SPAG9: variants seen among roughly 807,000 people sequenced by gnomAD.
SPAG9 encodes the protein C-Jun-amino-terminal kinase-interacting protein 4.
Under a neutral mutation model 166.5 loss-of-function variants are expected in SPAG9, and 35 were observed. That is an observed-to-expected ratio of 0.21 (90% CI 0.16 to 0.28). SPAG9 has a LOEUF of 0.28. Among genes scored for constraint, SPAG9 ranks in the 10% least tolerant of loss-of-function variants. The probability of loss-of-function intolerance (pLI) is 1.00; values close to 1 mark genes in which losing one functional copy is unlikely to be tolerated. For missense variants in SPAG9, 1,235 were observed against 1,603.3 expected (o/e 0.77, Z 3.92); for synonymous variants, 534 against 565.5 (o/e 0.94, Z 0.79).
chr17:50,990,751 TGA>T, intron 19 of SPAG9, 83 bp from the exon 20 acceptor site: 1 of 1,096,396 alleles, frequency 9.1e-7, no homozygotes, highest in Middle Eastern at 2.9e-4. Context: ...AGGTTTGAAA[TGA>T]GAGTTATGCA....
At chr17:51,087,761 G>T (rs972786189) in intron 1 of SPAG9, among the ~76,000 whole-genome samples, 1 of 152,076 alleles carries the variant, frequency 6.6e-6, no homozygotes, top group Non-Finnish European at 1.5e-5. Flanking sequence ...TAGAGATGAG[G>T]TGTTGTTCTG....
intron 12 of SPAG9, among the ~76,000 whole-genome samples, chr17:51,004,688 GA>G (rs1448937056): frequency 6.6e-6 from 1 of 151,910 alleles, no homozygotes; most frequent in Non-Finnish European, 1.5e-5. Context: ...TGAGATCGCA[GA>G]ACTGCACTCC....
intron 26 of SPAG9, 96 bp from the exon 27 acceptor site, chr17:50,977,317 A>C (rs1414900629): frequency 1.3e-6 from 1 of 762,834 alleles, no homozygotes; most frequent in Non-Finnish European, 2.3e-6. Flanking sequence ...CAAAACAAAA[A>C]AAAAAGAAAG....
At position 50,964,779 on chromosome 17, in the gene SPAG9, G is replaced by A. The variant is rs1013943704; in HGVS notation, c.*1493C>T. On this transcript the variant is annotated 3_prime_UTR_variant, in exon 30 of 30. Coordinates refer to ENST00000262013, the MANE Select transcript of SPAG9 (RefSeq NM_001130528.3). Reference sequence around the variant, plus strand: ...GCTTGTTTGTCTGTTTTGAGACAGGGTCTTGCTCCGTCACCCAGGCTGGAG... The same window carrying A: ...GCTTGTTTGTCTGTTTTGAGACAGGATCTTGCTCCGTCACCCAGGCTGGAG... The A allele has an allele frequency of 9.0e-6, 4 of 442,830 alleles. No homozygotes were observed. The Admixed American group carries it at 9.8e-5, about 11-fold the overall frequency. 27.4% of individuals were successfully genotyped at this position (442,830 alleles called of 1,614,324 possible). A position where few individuals can be genotyped will look rare whatever the true frequency, so the allele number is the denominator to read the frequency against.
rs547824640 is a variant in SPAG9 at position 50,977,319 on chromosome 17, AAAAG to A, written c.3410-102_3410-99del. 167 of 748,508 alleles carry A rather than the reference AAAAG, an allele frequency of 2.2e-4. No individual in the cohort carries two copies. In the South Asian group the frequency reaches 2.3e-3, roughly 10 times the overall value. 46.4% of individuals were successfully genotyped at this position (748,508 alleles called of 1,614,324 possible). A position where few individuals can be genotyped will look rare whatever the true frequency, so the allele number is the denominator to read the frequency against. On this transcript the variant is annotated intron_variant, in intron 26 of 29. Coordinates refer to ENST00000262013, the MANE Select transcript of SPAG9 (RefSeq NM_001130528.3). ...AGTAGCAGGATTACAAAACAAAAAAAAAAGAAAGAAAGTAGTAGTAGCAGGATTG... is the reference window on the plus strand; with the variant it reads ...AGTAGCAGGATTACAAAACAAAAAAAAAAGAAAGTAGTAGTAGCAGGATTG...
At chr17:51,098,099 T>C (rs552292309) in intron 1 of SPAG9, among the ~76,000 whole-genome samples, 20 of 152,128 alleles carry the variant, frequency 1.3e-4, no homozygotes, top group African/African-American at 4.3e-4. Context: ...ACTGGGATTA[T>C]AGGCATGAGC....
At chr17:51,087,444 G>C (rs2048334045) in intron 1 of SPAG9, among the ~76,000 whole-genome samples, 1 of 152,210 alleles carries the variant, frequency 6.6e-6, no homozygotes, top group South Asian at 2.1e-4. Flanking sequence ...CGTGGTCCTA[G>C]TAAGAGTCCT....
chr17:50,982,402 C>A, intron 25 of SPAG9, 122 bp downstream of exon 25: 1 of 828,946 alleles, frequency 1.2e-6, no homozygotes. Context: ...ATACATTACT[C>A]AAGTGCCCTA....
At chr17:51,108,114 C>T (rs904531831) in intron 1 of SPAG9, among the ~76,000 whole-genome samples, 34 of 150,568 alleles carry the variant, frequency 2.3e-4, no homozygotes, top group Admixed American at 4.0e-4. Flanking sequence ...GGCCATGGGG[C>T]GGTGGCTGGT....
At position 51,118,152 on chromosome 17, in the gene SPAG9, A is replaced by T. The variant is rs137889238; in HGVS notation, c.303+2202T>A. On this transcript the variant is annotated intron_variant, in intron 1 of 29. Transcript: ENST00000262013. The stretch of plus-strand genomic sequence containing the variant: ...CTGTCTCAAAAAAAAAAAAAAAGAG[A>T]AAAGAAAACTGATAACAAGGTGTGT... Among the ~76,000 whole-genome samples, 222 of 151,314 alleles carry T rather than the reference A, an allele frequency of 1.5e-3. 2 individuals are homozygous for T. The East Asian group carries it at 0.035, about 24-fold the overall frequency.
intron 1 of SPAG9, among the ~76,000 whole-genome samples, chr17:51,107,849 A>G (rs2144764936): frequency 6.6e-6 from 1 of 151,512 alleles, no homozygotes; most frequent in African/African-American, 2.4e-5. Context: ...CAGGAGGTTG[A>G]GGCTACAGTG....
At chr17:50,972,810 C>T (rs1413227822) in intron 28 of SPAG9, among the ~76,000 whole-genome samples, 4 of 152,208 alleles carry the variant, frequency 2.6e-5, no homozygotes, top group African/African-American at 4.8e-5. Flanking sequence ...TGTTGGTAGA[C>T]GAGTTAGTTC....
At chr17:51,106,932 T>C (rs950436152) in intron 1 of SPAG9, among the ~76,000 whole-genome samples, 7 of 150,986 alleles carry the variant, frequency 4.6e-5, no homozygotes, top group Non-Finnish European at 1.0e-4. Context: ...TGAAACCCCG[T>C]CTCTACTAAA....
Position 51,119,033 on chromosome 17 carries a change from C to CAAAA in SPAG9, c.303+1317_303+1320dup, listed in dbSNP as rs3079111. ...TGGGCGACAGAGTGAGACTACGTCT[C>CAAAA]AAAAAAAAAAAAAAAAAAAGGCAAT... On this transcript the variant is annotated intron_variant, in intron 1 of 29. Transcript: ENST00000262013. Among the ~76,000 whole-genome samples the CAAAA allele has an allele frequency of 3.3e-3, 315 of 95,740 alleles. 5 individuals are homozygous for CAAAA. The highest frequency in any genetic ancestry group is 5.0e-3 in the Admixed American group (44 of 8,788). 62.8% of individuals were successfully genotyped at this position (95,740 alleles called of 152,430 possible).
At chr17:50,991,493 C>T (rs1218024347) in intron 19 of SPAG9, among the ~76,000 whole-genome samples, 1 of 151,834 alleles carries the variant, frequency 6.6e-6, no homozygotes, top group African/African-American at 2.4e-5. Context: ...ACACTAAAAA[C>T]TTTTATTGCA....
At chr17:51,036,465 C>T (rs930443055) in intron 5 of SPAG9, among the ~76,000 whole-genome samples, 1 of 152,106 alleles carries the variant, frequency 6.6e-6, no homozygotes. Context: ...AAGTCTCTTA[C>T]GGTCTCTCTT....
Position 51,084,860 on chromosome 17 carries a change from A to AT in SPAG9, c.304-5157dup, listed in dbSNP as rs931311966. Among the ~76,000 whole-genome samples the AT allele has an allele frequency of 1.5e-4, 21 of 140,588 alleles. 1 individual carries two copies. In the South Asian group the frequency reaches 3.8e-3, roughly 25 times the overall value. 92.2% of individuals were successfully genotyped at this position (140,588 alleles called of 152,430 possible). Reference sequence around the variant, plus strand: ...CCACTATTTTGCTTTTTATTTATTTATTTTTTTTGAGATGGAGTCTGGCTC... The same window carrying AT: ...CCACTATTTTGCTTTTTATTTATTTATTTTTTTTTGAGATGGAGTCTGGCTC... On this transcript the variant is annotated intron_variant, in intron 1 of 29. Transcript: ENST00000262013.
At chr17:51,091,437 A>G (rs1403281065) in intron 1 of SPAG9, among the ~76,000 whole-genome samples, 1 of 152,174 alleles carries the variant, frequency 6.6e-6, no homozygotes, top group Non-Finnish European at 1.5e-5. Context: ...TTAGGCCAAC[A>G]GCAAAATCGT....
At position 51,110,886 on chromosome 17, in the gene SPAG9, G is replaced by A. The variant is rs147688932; in HGVS notation, c.303+9468C>T. Reference sequence around the variant, plus strand: ...TGTAATCCCACCACTTTGGGAGGCCGAGGCGGGCAGATCACGAGGTCAGAT... The same window carrying A: ...TGTAATCCCACCACTTTGGGAGGCCAAGGCGGGCAGATCACGAGGTCAGAT... On this transcript the variant is annotated intron_variant, in intron 1 of 29. Coordinates refer to ENST00000262013, the MANE Select transcript of SPAG9 (RefSeq NM_001130528.3). 1.9e-3 allele frequency among the ~76,000 whole-genome samples: 288 copies of A among 152,196 alleles called. 1 individual carries two copies. Among genetic ancestry groups the A allele is most frequent in the African/African-American group, 6.6e-3 (273 of 41,538 alleles).
Sources: gnomAD v4.1 joint callset for allele counts (sites outside exome capture counted in the v4.1 genomes callset) on GRCh38, gnomAD v4.1.1 for gene constraint, MANE v1.5 for transcripts, NCBI Gene and HGNC (gene_info 2026-07-23, HGNC 2026-07-21) for gene names.